TMEM178B: variants seen among roughly 807,000 people sequenced by gnomAD.
TMEM178B encodes transmembrane protein 178B.
Under a neutral mutation model 31.0 loss-of-function variants are expected in TMEM178B, and 5 were observed. That is an observed-to-expected ratio of 0.16 (90% CI 0.08 to 0.34). The LOEUF is 0.34. Among genes scored for constraint, TMEM178B ranks in the 10% least tolerant of loss-of-function variants. The pLI is 1.00. For synonymous variants in TMEM178B, 164 were observed against 164.0 expected (o/e 1.00, Z 0.00); for missense variants, 275 against 400.3 (o/e 0.69, Z 2.67).
intron 1 of TMEM178B, among the ~76,000 whole-genome samples, chr7:141,211,400 A>G (rs1797050623): frequency 6.6e-6 from 1 of 152,220 alleles, no homozygotes; most frequent in Non-Finnish European, 1.5e-5. Context: ...AAATTATTGC[A>G]CTTCACCAAT....
chr7:141,508,960 C>T, the TMEM178B span, among the ~76,000 whole-genome samples: 1 of 152,226 alleles, frequency 6.6e-6, no homozygotes, highest in Non-Finnish European at 1.5e-5. Flanking sequence ...TGCAGCAACA[C>T]TGATTTCTTA....
rs1802057896 is a variant in TMEM178B at position 141,461,462 on chromosome 7, T to A, written c.635-9074T>A. 6.6e-6 allele frequency among the ~76,000 whole-genome samples: 1 copy of A among 152,206 alleles called. No individual in the cohort carries two copies. Among genetic ancestry groups the A allele is most frequent in the African/African-American group, 2.4e-5 (1 of 41,450 alleles). On this transcript the variant is annotated intron_variant, in intron 3 of 3. Coordinates refer to ENST00000565468, the MANE Select transcript of TMEM178B (RefSeq NM_001195278.2). The surrounding 1 kb of genome is among the most constrained non-coding windows in gnomAD (Gnocchi z 4.0). ...AAGTTGTGGGCATAACTTGGTCACA[T>A]AAGGATTAGATATTTGGGCAAATGC...
intron 3 of TMEM178B, among the ~76,000 whole-genome samples, chr7:141,452,602 T>G (rs1801885917): frequency 6.6e-6 from 1 of 152,206 alleles, no homozygotes. Context: ...TTGGGAGTCA[T>G]TTAGCCCTTG....
chr7:141,503,213 A>G, the TMEM178B span, among the ~76,000 whole-genome samples: 1 of 152,220 alleles, frequency 6.6e-6, no homozygotes, highest in Non-Finnish European at 1.5e-5. Context: ...AGGAAGATTC[A>G]AGGGTTCATC....
At chr7:141,216,384 G>T (rs1797146987) in intron 2 of TMEM178B, among the ~76,000 whole-genome samples, 1 of 151,538 alleles carries the variant, frequency 6.6e-6, no homozygotes, top group Admixed American at 6.6e-5. Flanking sequence ...TGTAAAGAAA[G>T]AATAAACTCC....
At chr7:141,510,254 C>T in the TMEM178B span, among the ~76,000 whole-genome samples, 61,160 of 151,948 alleles carry the variant, frequency 0.4, 14,328 homozygotes, top group Non-Finnish European at 0.54. Context: ...GATAAGATAA[C>T]TCCCTTGTGT....
chr7:141,211,075 G>T (rs1334996801), intron 1 of TMEM178B, among the ~76,000 whole-genome samples: 1 of 152,152 alleles, frequency 6.6e-6, no homozygotes, highest in African/African-American at 2.4e-5. Flanking sequence ...AGGAAGTGGA[G>T]ACTGGCTGGT....
At chr7:141,129,891 T>C (rs181852857) in intron 1 of TMEM178B, among the ~76,000 whole-genome samples, 3 of 152,314 alleles carry the variant, frequency 2.0e-5, no homozygotes, top group Non-Finnish European at 4.4e-5. Flanking sequence ...TATTTTCCAG[T>C]TGACAATTTG....
intron 2 of TMEM178B, among the ~76,000 whole-genome samples, chr7:141,337,062 C>CCAG (rs1799419922): frequency 2.6e-5 from 2 of 75,614 alleles, no homozygotes; most frequent in Non-Finnish European, 4.9e-5. Context: ...ACCACCACCA[C>CCAG]CATCACTACC....
intron 3 of TMEM178B, among the ~76,000 whole-genome samples, chr7:141,459,256 C>T (rs1343466360): frequency 1.3e-5 from 2 of 152,238 alleles, no homozygotes; most frequent in African/African-American, 4.8e-5. Context: ...CTCGAACTCC[C>T]GACTTCAGGT....
rs555931321 is a variant in TMEM178B, at chr7:141,414,233, C to T, written c.497-23375C>T. 17 of 68,538 alleles carry T rather than the reference C, an allele frequency of 2.5e-4. 5 individuals carry two copies. The highest frequency in any genetic ancestry group is 1.6e-3 in the Admixed American group (10 of 6,400). The allele number at this position is 68,538 out of a possible 1,614,324, so 4.2% of individuals were successfully genotyped here. ...CCGAGTAGCTGGGACTACAGGCGCCCGCCACCGCGCCCGGCTAATTTTTTG... is the reference window on the plus strand; with the variant it reads ...CCGAGTAGCTGGGACTACAGGCGCCTGCCACCGCGCCCGGCTAATTTTTTG... On this transcript the variant is annotated intron_variant, in intron 2 of 3. Transcript: ENST00000565468.
intron 2 of TMEM178B, among the ~76,000 whole-genome samples, chr7:141,303,482 C>T (rs1798762263): frequency 6.6e-6 from 1 of 152,214 alleles, no homozygotes; most frequent in East Asian, 1.9e-4. Flanking sequence ...GCTGCCCGGA[C>T]AGGGCTCACC....
the TMEM178B span, among the ~76,000 whole-genome samples, chr7:141,495,002 A>T: frequency 6.6e-6 from 1 of 152,326 alleles, no homozygotes; most frequent in African/African-American, 2.4e-5. Flanking sequence ...ATACTTTTAT[A>T]TATGTTTGAA....
intron 2 of TMEM178B, among the ~76,000 whole-genome samples, chr7:141,389,952 C>T (rs1480127154): frequency 6.6e-6 from 1 of 152,102 alleles, no homozygotes; most frequent in Admixed American, 6.5e-5. Flanking sequence ...GGAAACCGAG[C>T]AGTCTCTGAC....
intron 1 of TMEM178B, among the ~76,000 whole-genome samples, chr7:141,128,418 A>C (rs140619045): frequency 6.6e-6 from 1 of 152,298 alleles, no homozygotes; most frequent in East Asian, 1.9e-4. Flanking sequence ...TTGGCAAGGC[A>C]AAACAGCCCC....
At chr7:141,122,212 A>G (rs1203622092) in intron 1 of TMEM178B, among the ~76,000 whole-genome samples, 2 of 152,204 alleles carry the variant, frequency 1.3e-5, no homozygotes, top group East Asian at 1.9e-4. Flanking sequence ...AGAACAGTGA[A>G]AAGGAAAAAA....
Position 141,461,258 on chromosome 7 carries a change from A to G in TMEM178B, c.635-9278A>G, listed in dbSNP as rs1437262159. 6.6e-6 allele frequency among the ~76,000 whole-genome samples: 1 copy of G among 152,186 alleles called. No homozygotes were observed. The highest frequency in any genetic ancestry group is 2.4e-5 in the African/African-American group (1 of 41,452). On this transcript the variant is annotated intron_variant, in intron 3 of 3. Transcript: ENST00000565468. This position sits in a 1 kb window ranked among gnomAD's most constrained non-coding sequence, Gnocchi z 4.0. ...CACAGCCACGTGGGTGTTTCTGCAG[A>G]GCCTGCCTTGCAGCGACCTGTAGGG...
chr7:141,454,521 C>A (rs1023084373), intron 3 of TMEM178B, among the ~76,000 whole-genome samples: 12 of 151,766 alleles, frequency 7.9e-5, no homozygotes, highest in African/African-American at 2.9e-4. Flanking sequence ...ACTTTGGGGA[C>A]CTTTCTTCCT....
At chr7:141,423,931 C>T (rs1237231535) in intron 2 of TMEM178B, among the ~76,000 whole-genome samples, 2 of 150,470 alleles carry the variant, frequency 1.3e-5, no homozygotes, top group African/African-American at 2.5e-5. Flanking sequence ...GCCTTAGCCT[C>T]GCGAATAAGT....
Sources: allele counts gnomAD v4.1 joint callset (sites outside exome capture counted in the v4.1 genomes callset), GRCh38; gene constraint gnomAD v4.1.1; non-coding constraint Gnocchi (gnomAD v3.1); transcripts MANE v1.5; gene names NCBI Gene and HGNC (gene_info 2026-07-23, HGNC 2026-07-21).